The following CATSPERQ variants were observed in gnomAD, a reference collection of about 807,000 sequenced individuals.
The protein encoded by CATSPERQ is catsper channel auxiliary subunit theta.
At chr8:144,353,405 C>T in the CATSPERQ span, 1 of 1,535,760 alleles carries the variant, frequency 6.5e-7, no homozygotes, top group Non-Finnish European at 8.7e-7. Context: ...GGCTCTTGCC[C>T]ATCACAGTGC....
the CATSPERQ span, chr8:144,354,342 C>G: frequency 6.5e-7 from 1 of 1,532,342 alleles, no homozygotes; most frequent in Non-Finnish European, 8.7e-7. This position sits in a 1 kb window ranked among gnomAD's most constrained non-coding sequence, Gnocchi z 4.6. Context: ...CTGGGGGTGG[C>G]GCGGCGCGTG....
the CATSPERQ span, chr8:144,354,686 G>C: frequency 6.5e-7 from 1 of 1,535,604 alleles, no homozygotes; most frequent in Non-Finnish European, 8.7e-7. This position sits in a 1 kb window ranked among gnomAD's most constrained non-coding sequence, Gnocchi z 4.6. Context: ...TGGCGCTCCG[G>C]GCAGGTGAGT....
the CATSPERQ span, chr8:144,354,568 C>CCCCCCGG: frequency 1.6e-5 from 12 of 734,758 alleles, no homozygotes; most frequent in Non-Finnish European, 2.5e-5. This position sits in a 1 kb window ranked among gnomAD's most constrained non-coding sequence, Gnocchi z 4.6. Context: ...TCCCCCGCCC[C>CCCCCCGG]GCCCTTCCCA....
chr8:144,354,668 T>C, the CATSPERQ span: 5 of 1,535,068 alleles, frequency 3.3e-6, no homozygotes, highest in Non-Finnish European at 4.4e-6. The surrounding 1 kb of genome is among the most constrained non-coding windows in gnomAD (Gnocchi z 4.6). Context: ...TTGAGGCGTC[T>C]GGCCAGGTGG....
chr8:144,354,356 ACGCCC>A, the CATSPERQ span: 1 of 1,529,504 alleles, frequency 6.5e-7, no homozygotes, highest in African/African-American at 1.4e-5. This position sits in a 1 kb window ranked among gnomAD's most constrained non-coding sequence, Gnocchi z 4.6. Flanking sequence ...GCGCGTGAGG[ACGCCC>A]CGGCCCTGCC....
chr8:144,354,492 A>G, the CATSPERQ span: 2 of 1,347,794 alleles, frequency 1.5e-6, no homozygotes. This position sits in a 1 kb window ranked among gnomAD's most constrained non-coding sequence, Gnocchi z 4.6. Context: ...GGCCCCACCC[A>G]GGGCCCTGGC....
chr8:144,353,428 G>C, the CATSPERQ span: 1 of 1,535,914 alleles, frequency 6.5e-7, no homozygotes, highest in Non-Finnish European at 8.7e-7. Context: ...GCGCCAGGGG[G>C]TGGCCAGTGG....
At chr8:144,354,595 C>T in the CATSPERQ span, 2 of 1,471,040 alleles carry the variant, frequency 1.4e-6, no homozygotes, top group Non-Finnish European at 1.8e-6. The surrounding 1 kb of genome is among the most constrained non-coding windows in gnomAD (Gnocchi z 4.6). Context: ...CCCCGCCCCG[C>T]CCCGCCCAGC....
the CATSPERQ span, chr8:144,353,572 C>T: frequency 3.3e-6 from 5 of 1,498,538 alleles, no homozygotes; most frequent in Non-Finnish European, 4.4e-6. Flanking sequence ...ACAGGACAGA[C>T]CCGAGTCGCC....
At chr8:144,354,334 G>C in the CATSPERQ span, 6 of 1,532,808 alleles carry the variant, frequency 3.9e-6, no homozygotes, top group East Asian at 2.4e-5. This position sits in a 1 kb window ranked among gnomAD's most constrained non-coding sequence, Gnocchi z 4.6. Flanking sequence ...CACGAAGACT[G>C]GGGGTGGCGC....
the CATSPERQ span, chr8:144,353,994 G>A: frequency 8.5e-6 from 13 of 1,534,718 alleles, no homozygotes; most frequent in South Asian, 1.5e-4. Context: ...CCAGATGCAA[G>A]GGGCCCTGGC....
chr8:144,354,415 G>C, the CATSPERQ span: 1 of 1,424,010 alleles, frequency 7.0e-7, no homozygotes, highest in Non-Finnish European at 9.4e-7. The surrounding 1 kb of genome is among the most constrained non-coding windows in gnomAD (Gnocchi z 4.6). Context: ...CGGACTAGCT[G>C]GGTCCGCGCA....
the CATSPERQ span, chr8:144,353,628 C>CCCCA: frequency 6.8e-7 from 1 of 1,460,166 alleles, no homozygotes; most frequent in Admixed American, 2.2e-5. Flanking sequence ...CCCGTCCTGC[C>CCCCA]CGAAGCCCCG....
chr8:144,353,464 C>T, the CATSPERQ span: 18 of 1,535,784 alleles, frequency 1.2e-5, no homozygotes, highest in Admixed American at 2.0e-5. Context: ...TAGGAGGTGG[C>T]CAGGTAGTCG....
the CATSPERQ span, chr8:144,353,668 G>C: frequency 6.8e-7 from 1 of 1,470,346 alleles, no homozygotes; most frequent in Non-Finnish European, 9.1e-7. Flanking sequence ...CAGCACCGAA[G>C]ACCGTGTTGT....
At chr8:144,354,574 T>TAC in the CATSPERQ span, 24 of 322,956 alleles carry the variant, frequency 7.4e-5, no homozygotes, top group Non-Finnish European at 1.2e-4. The surrounding 1 kb of genome is among the most constrained non-coding windows in gnomAD (Gnocchi z 4.6). Flanking sequence ...GCCCCGCCCT[T>TAC]CCCAGCCCCG....
the CATSPERQ span, chr8:144,354,041 C>A: frequency 6.5e-7 from 1 of 1,535,504 alleles, no homozygotes; most frequent in East Asian, 2.4e-5. The surrounding 1 kb of genome is among the most constrained non-coding windows in gnomAD (Gnocchi z 4.6). Context: ...TGGTACACGC[C>A]GCGCGTGTGG....
chr8:144,354,575 C>CGG, the CATSPERQ span: 1 of 450,470 alleles, frequency 2.2e-6, no homozygotes, highest in Non-Finnish European at 3.7e-6. This position sits in a 1 kb window ranked among gnomAD's most constrained non-coding sequence, Gnocchi z 4.6. Context: ...CCCCGCCCTT[C>CGG]CCAGCCCCGC....
At chr8:144,354,578 A>G in the CATSPERQ span, 354 of 221,016 alleles carry the variant, frequency 1.6e-3, no homozygotes, top group Non-Finnish European at 2.3e-3. The surrounding 1 kb of genome is among the most constrained non-coding windows in gnomAD (Gnocchi z 4.6). Flanking sequence ...CGCCCTTCCC[A>G]GCCCCGCCCC....
Sources: gnomAD v4.1 joint callset for allele counts on GRCh38, gnomAD v4.1.1 for gene constraint, Gnocchi (gnomAD v3.1) non-coding constraint, MANE v1.5 for transcripts, NCBI Gene and HGNC (gene_info 2026-07-23, HGNC 2026-07-21) for gene names.